The following ARK2N variants were observed in gnomAD, a reference collection of about 807,000 sequenced individuals.
ARK2N encodes the protein arkadia (RNF111) N-terminal like PKA signaling regulator 2N.
At chr18:46,233,028 T>G in the ARK2N span, 1 of 152,184 alleles carries the variant, frequency 6.6e-6, no homozygotes, top group African/African-American at 2.4e-5. Flanking sequence ...CTTGCTTTTC[T>G]GTAATGAAAT....
At chr18:46,214,751 T>A in the ARK2N span, among the ~76,000 whole-genome samples, 1 of 152,214 alleles carries the variant, frequency 6.6e-6, no homozygotes, top group Non-Finnish European at 1.5e-5. Flanking sequence ...AATCCCTTTA[T>A]TCATTCATAG....
chr18:46,228,587 C>T, the ARK2N span, among the ~76,000 whole-genome samples: 4 of 152,062 alleles, frequency 2.6e-5, no homozygotes, highest in East Asian at 7.7e-4. Flanking sequence ...ACATAGGTAG[C>T]CTTTTTTATT....
At chr18:46,243,957 G>A in the ARK2N span, among the ~76,000 whole-genome samples, 1 of 152,180 alleles carries the variant, frequency 6.6e-6, no homozygotes, top group Non-Finnish European at 1.5e-5. Context: ...CTCAGTCACT[G>A]GATTTCTAAT....
chr18:46,209,117 G>T, the ARK2N span, among the ~76,000 whole-genome samples: 2 of 152,090 alleles, frequency 1.3e-5, no homozygotes, highest in Non-Finnish European at 2.9e-5. Context: ...AACTAGAAAG[G>T]TGGGCAGGGG....
the ARK2N span, among the ~76,000 whole-genome samples, chr18:46,222,951 T>G: frequency 6.6e-6 from 1 of 152,212 alleles, no homozygotes; most frequent in Non-Finnish European, 1.5e-5. Flanking sequence ...GATAAATGCG[T>G]AAGTGGTTCC....
the ARK2N span, chr18:46,217,620 A>G: frequency 6.6e-6 from 1 of 152,240 alleles, no homozygotes; most frequent in Non-Finnish European, 1.5e-5. Context: ...GAGAAATCAT[A>G]TTGGTTAATG....
chr18:46,209,161 C>T, the ARK2N span, among the ~76,000 whole-genome samples: 1 of 151,994 alleles, frequency 6.6e-6, no homozygotes, highest in African/African-American at 2.4e-5. Context: ...CATTTTCCCT[C>T]TTAAGTTTGT....
the ARK2N span, among the ~76,000 whole-genome samples, chr18:46,241,459 C>T: frequency 1.3e-5 from 2 of 152,072 alleles, no homozygotes; most frequent in Non-Finnish European, 2.9e-5. Context: ...CAGTGGCTCA[C>T]GTCTGTAAGC....
the ARK2N span, chr18:46,219,081 T>C: frequency 6.6e-6 from 1 of 152,248 alleles, no homozygotes; most frequent in South Asian, 2.1e-4. Flanking sequence ...CTAAATGTTA[T>C]GCCAAATAAT....
chr18:46,259,814 T>TGTGTGTGTGTGTG, the ARK2N span, among the ~76,000 whole-genome samples: 9 of 22,774 alleles, frequency 4.0e-4, no homozygotes, highest in African/African-American at 6.2e-4. Flanking sequence ...GTGTGTGTGT[T>TGTGTGTGTGTGTG]TGACAGAGAT....
chr18:46,186,717 C>A, the ARK2N span, among the ~76,000 whole-genome samples: 1 of 151,870 alleles, frequency 6.6e-6, no homozygotes, highest in Admixed American at 6.6e-5. Context: ...ACTGTGTTAG[C>A]CAGGATGGTT....
the ARK2N span, among the ~76,000 whole-genome samples, chr18:46,240,870 A>T: frequency 6.6e-6 from 1 of 152,194 alleles, no homozygotes; most frequent in Non-Finnish European, 1.5e-5. Flanking sequence ...TTTCTTCAAA[A>T]GTTTCTTTCA....
At chr18:46,222,236 T>C in the ARK2N span, among the ~76,000 whole-genome samples, 1 of 152,222 alleles carries the variant, frequency 6.6e-6, no homozygotes, top group African/African-American at 2.4e-5. Context: ...TTAAGTTTCC[T>C]GTATCTGAAA....
chr18:46,215,403 G>T, the ARK2N span, among the ~76,000 whole-genome samples: 8 of 152,144 alleles, frequency 5.3e-5, no homozygotes, highest in African/African-American at 1.7e-4. Flanking sequence ...TTTTGGATTT[G>T]AATGTAAAAG....
the ARK2N span, among the ~76,000 whole-genome samples, chr18:46,195,455 C>T: frequency 6.6e-6 from 1 of 150,730 alleles, no homozygotes; most frequent in Admixed American, 6.6e-5. Context: ...CATGATGTTA[C>T]CCAGGCTGGT....
chr18:46,228,141 TG>T, the ARK2N span, among the ~76,000 whole-genome samples: 4,348 of 152,282 alleles, frequency 0.029, 191 homozygotes, highest in African/African-American at 0.099. Flanking sequence ...AAGAGCATAT[TG>T]GTTTTGGATG....
At chr18:46,266,447 G>A in the ARK2N span, 5 of 152,518 alleles carry the variant, frequency 3.3e-5, no homozygotes, top group East Asian at 1.9e-4. Context: ...AAATAATCAC[G>A]TATTTTAGTC....
At chr18:46,193,172 A>T in the ARK2N span, among the ~76,000 whole-genome samples, 1 of 152,076 alleles carries the variant, frequency 6.6e-6, no homozygotes, top group Admixed American at 6.6e-5. Context: ...GTCTCAAAAC[A>T]AACAAACAAA....
the ARK2N span, chr18:46,232,346 T>C: frequency 6.6e-6 from 1 of 152,222 alleles, no homozygotes; most frequent in African/African-American, 2.4e-5. Flanking sequence ...TTAGCTTATG[T>C]TGATTTTCAT....
Sources: gnomAD v4.1 joint callset for allele counts (sites outside exome capture counted in the v4.1 genomes callset) on GRCh38, gnomAD v4.1.1 for gene constraint, MANE v1.5 for transcripts, NCBI Gene and HGNC (gene_info 2026-07-23, HGNC 2026-07-21) for gene names.